ALX4: variants seen among roughly 807,000 people sequenced by gnomAD.
ALX4 encodes homeobox protein aristaless-like 4.
Under a neutral mutation model 40.6 loss-of-function variants are expected in ALX4, and 22 were observed. That is an observed-to-expected ratio of 0.54 (90% confidence interval 0.39 to 0.77). ALX4 has a LOEUF of 0.77. ALX4 is among the 30% of genes least tolerant of loss of function. ALX4 has a pLI of 0.00. For synonymous variants in ALX4, 266 were observed against 240.5 expected (o/e 1.11, Z -0.98); for missense variants, 556 against 564.8 (o/e 0.98, Z 0.16).
At position 44,309,661 on chromosome 11, in the gene ALX4, G is replaced by A. The variant is rs1310603933; in HGVS notation, c.402C>T (p.Asp134=). Reference sequence around the variant, plus strand: ...TGCCTTCCTGGAGTTTGAGGCTGCCGTCCGGGGGCGTCTTGCAGGCGCCTC... The same window carrying A: ...TGCCTTCCTGGAGTTTGAGGCTGCCATCCGGGGGCGTCTTGCAGGCGCCTC... ...LQRGACKTPP[D]GSLKLQEGSS... is the part of the protein sequence containing the mutation. Residue 134 remains aspartate, a synonymous_variant, in exon 1 of 4, where the codon GAC becomes GAT. Transcript: ENST00000652299. The A allele has an allele frequency of 1.3e-6, 2 of 1,592,014 alleles. No homozygotes were observed. The highest frequency in any genetic ancestry group is 3.4e-5 in the Admixed American group (2 of 59,034).
chr11:44,265,811 C>T (rs938596175), intron 3 of ALX4, among the ~76,000 whole-genome samples: 7 of 152,144 alleles, frequency 4.6e-5, no homozygotes, highest in African/African-American at 1.7e-4. Context: ...GATCTGAGAC[C>T]GGACCTCCTC....
At chr11:44,286,041 C>A (rs1423370434) in intron 1 of ALX4, among the ~76,000 whole-genome samples, 1 of 152,356 alleles carries the variant, frequency 6.6e-6, no homozygotes, top group South Asian at 2.1e-4. Flanking sequence ...GGCAGCTCTG[C>A]AGGCACAGCT....
rs149536834 is a variant in ALX4, at chr11:44,283,083, C to A, written c.467-7425G>T. ...CCAACACGGTGAAACCCCATCTCTA[C>A]TAAAAATACAAAAATTCGTCGGGCA... On this transcript the variant is annotated intron_variant, in intron 1 of 3. Transcript: ENST00000652299. Among the ~76,000 whole-genome samples the A allele has an allele frequency of 1.2e-4, 18 of 152,152 alleles. No homozygotes were observed. In the East Asian group the frequency reaches 3.3e-3, roughly 28 times the overall value.
intron 2 of ALX4, among the ~76,000 whole-genome samples, chr11:44,268,665 C>G (rs972647812): frequency 6.6e-6 from 1 of 152,310 alleles, no homozygotes; most frequent in South Asian, 2.1e-4. Context: ...AGCTGCCCTA[C>G]CCCTGGCCCA....
intron 1 of ALX4, among the ~76,000 whole-genome samples, chr11:44,307,004 A>C (rs1956472427): frequency 6.6e-6 from 1 of 152,166 alleles, no homozygotes; most frequent in African/African-American, 2.4e-5. Flanking sequence ...CCTCCATCTT[A>C]GGCAGCATGG....
At position 44,267,488 on chromosome 11, in the gene ALX4, A is replaced by G. The variant is rs1590686600; in HGVS notation, c.906+6T>C. The G allele has an allele frequency of 6.2e-7, 1 of 1,613,846 alleles. No homozygotes were observed. Among genetic ancestry groups the G allele is most frequent in the Non-Finnish European group, 8.5e-7 (1 of 1,179,902 alleles). ...ATCGGTGGCGGCAGCTCAGGGCGGGACTTACCTGGGCGTAGTTCTCAGCTC... is the reference window on the plus strand; with the variant it reads ...ATCGGTGGCGGCAGCTCAGGGCGGGGCTTACCTGGGCGTAGTTCTCAGCTC... On this transcript the variant is annotated splice_donor_region_variant and intron_variant, in intron 3 of 3. Coordinates refer to ENST00000652299, the MANE Select transcript of ALX4 (RefSeq NM_021926.4).
chr11:44,306,080 G>A (rs998061355), intron 1 of ALX4, among the ~76,000 whole-genome samples: 15 of 152,224 alleles, frequency 9.9e-5, no homozygotes, highest in African/African-American at 3.6e-4. Context: ...CTGGACTCGG[G>A]CAAGGAATTC....
chr11:44,273,160 G>A (rs1210392610), intron 2 of ALX4, among the ~76,000 whole-genome samples: 7 of 145,658 alleles, frequency 4.8e-5, no homozygotes, highest in African/African-American at 1.8e-4. Context: ...GAAGGGCTCA[G>A]CCCACTGAGC....
intron 1 of ALX4, among the ~76,000 whole-genome samples, chr11:44,290,585 G>C (rs1956363661): frequency 6.6e-6 from 1 of 152,240 alleles, no homozygotes; most frequent in South Asian, 2.1e-4. Context: ...GAGGTGTTTT[G>C]AAGCAGCAAT....
intron 3 of ALX4, among the ~76,000 whole-genome samples, chr11:44,265,789 A>G (rs1218027933): frequency 1.3e-5 from 2 of 152,088 alleles, no homozygotes; most frequent in Non-Finnish European, 2.9e-5. Context: ...CTGCCTCAGG[A>G]GTGGACAGCC....
chr11:44,289,082 C>G (rs184953506), intron 1 of ALX4, among the ~76,000 whole-genome samples: 3 of 152,300 alleles, frequency 2.0e-5, no homozygotes, highest in East Asian at 3.9e-4. Context: ...GTCAAGTGTT[C>G]CAGGGTCCCC....
chr11:44,284,561 A>C (rs1376692849), intron 1 of ALX4, among the ~76,000 whole-genome samples: 2 of 152,186 alleles, frequency 1.3e-5, no homozygotes, highest in African/African-American at 4.8e-5. Flanking sequence ...AAATCTGCCA[A>C]CCCTGTACAT....
chr11:44,281,673 T>C (rs937076189), intron 1 of ALX4, among the ~76,000 whole-genome samples: 7 of 151,962 alleles, frequency 4.6e-5, no homozygotes, highest in African/African-American at 1.7e-4. Flanking sequence ...GTCCAAACGG[T>C]CCTGTGGGGG....
chr11:44,307,642 T>A (rs1194237401), intron 1 of ALX4, among the ~76,000 whole-genome samples: 1 of 152,208 alleles, frequency 6.6e-6, no homozygotes, highest in Admixed American at 6.5e-5. Flanking sequence ...TGAACCTCCA[T>A]GGGTCCCCTA....
intron 2 of ALX4, among the ~76,000 whole-genome samples, chr11:44,268,951 G>T (rs899897407): frequency 6.6e-6 from 1 of 152,232 alleles, no homozygotes; most frequent in Non-Finnish European, 1.5e-5. Flanking sequence ...GCCTTGCCAG[G>T]CCCTTCCAGG....
At chr11:44,286,899 C>A (rs1956341665) in intron 1 of ALX4, among the ~76,000 whole-genome samples, 1 of 152,194 alleles carries the variant, frequency 6.6e-6, no homozygotes, top group South Asian at 2.1e-4. Context: ...CTTTTTCATT[C>A]CTTAAGTGGC....
At position 44,310,034 on chromosome 11, in the gene ALX4, C is replaced by T. The variant is rs1303599226; in HGVS notation, c.29G>A (p.Cys10Tyr). MNAETCVSY[C>Y]ESPAAAMDAY... ...GTCCATGGCAGCGGCCGGCGACTCGCAGTAAGAGACGCAAGTCTCAGCATT... is the reference window on the plus strand; with the variant it reads ...GTCCATGGCAGCGGCCGGCGACTCGTAGTAAGAGACGCAAGTCTCAGCATT... The change falls in exon 1 of 4, where the codon TGC (cysteine) becomes TAC (tyrosine). Residue 10 changes from cysteine to tyrosine, a missense_variant. Physicochemically the swap from Cys to Tyr is radical, Grantham distance 194. Transcript: ENST00000652299. 1 of 1,601,362 alleles carries T rather than the reference C, an allele frequency of 6.2e-7. No individual in the cohort carries two copies. The highest frequency in any genetic ancestry group is 2.3e-5 in the East Asian group (1 of 44,380).
At chr11:44,298,367 G>C (rs1206984879) in intron 1 of ALX4, among the ~76,000 whole-genome samples, 1 of 152,140 alleles carries the variant, frequency 6.6e-6, no homozygotes, top group African/African-American at 2.4e-5. Flanking sequence ...CTGGGAACCC[G>C]GGTGAGGTCA....
rs181131115 is a variant in ALX4, at chr11:44,285,501, A to G, written c.467-9843T>C. Among the ~76,000 whole-genome samples, 5 of 152,326 alleles carry G rather than the reference A, an allele frequency of 3.3e-5. No homozygotes were observed. In the East Asian group the frequency reaches 9.7e-4, roughly 29 times the overall value. On this transcript the variant is annotated intron_variant, in intron 1 of 3. Transcript: ENST00000652299. ...TTAGGAGAAGCTCCAAGAACTAGAAATATGAAGTTCAATTATCCACATATC... is the reference window on the plus strand; with the variant it reads ...TTAGGAGAAGCTCCAAGAACTAGAAGTATGAAGTTCAATTATCCACATATC...
Sources: gnomAD v4.1 joint callset for allele counts (sites outside exome capture counted in the v4.1 genomes callset) on GRCh38, gnomAD v4.1.1 for gene constraint, MANE v1.5 for transcripts, NCBI Gene and HGNC (gene_info 2026-07-23, HGNC 2026-07-21) for gene names.